Variants in SLC35F3 observed in about 807,000 individuals in gnomAD.
SLC35F3 encodes the protein putative thiamine transporter SLC35F3.
A neutral mutation model predicts 49.9 loss-of-function variants in SLC35F3; 25 were observed. The observed-to-expected ratio is 0.50, with a 90% CI of 0.37 to 0.70. The LOEUF (loss-of-function observed/expected upper bound fraction) is 0.70, where lower values mean the gene tolerates loss of function less well. SLC35F3 is among the 30% of genes least tolerant of loss of function. The pLI is 0.00. For synonymous variants in SLC35F3, 275 were observed against 265.4 expected (o/e 1.04, Z -0.35); for missense variants, 525 against 639.8 (o/e 0.82, Z 1.94).
Position 233,905,701 on chromosome 1 carries a change from C to A in SLC35F3, c.226C>A (p.Arg76=), listed in dbSNP as rs781051689. The change falls in exon 2 of 8, where the codon CGG becomes AGG. Residue 76 remains arginine, a synonymous_variant. Transcript: ENST00000366618. ...GGTGGGGCTCACGTCCATCGAGGAGCGGATCCTGCGCATCACTGGCTACTA... is the reference window on the plus strand; with the variant it reads ...GGTGGGGCTCACGTCCATCGAGGAGAGGATCCTGCGCATCACTGGCTACTA... The part of the protein sequence containing the change: ...GPVGLTSIEE[R]ILRITGYYGY... The A allele has an allele frequency of 6.2e-7, 1 of 1,614,068 alleles. No homozygotes were observed. Among genetic ancestry groups the A allele is most frequent in the Non-Finnish European group, 8.5e-7 (1 of 1,180,036 alleles).
intron 3 of SLC35F3, among the ~76,000 whole-genome samples, chr1:234,240,617 A>T (rs915466099): frequency 1.3e-5 from 2 of 152,062 alleles, no homozygotes; most frequent in South Asian, 2.1e-4. Context: ...AAAAAAAAAT[A>T]AAAAAGCCAA....
At chr1:234,047,684 CACACACACATACAT>C (rs1374287130) in intron 2 of SLC35F3, among the ~76,000 whole-genome samples, 1 of 140,942 alleles carries the variant, frequency 7.1e-6, no homozygotes, top group Non-Finnish European at 1.5e-5. Flanking sequence ...TACACATACA[CACACACACATACAT>C]ACACACACAC....
chr1:234,303,180 T>C (rs2102991179), intron 3 of SLC35F3, among the ~76,000 whole-genome samples: 1 of 152,358 alleles, frequency 6.6e-6, no homozygotes, highest in East Asian at 1.9e-4. Context: ...ACATATATTG[T>C]TCACTGACTC....
rs764192758 is a variant in SLC35F3 at position 234,309,176 on chromosome 1, T to G, written c.684T>G (p.Val228=). The change falls in exon 4 of 8, where the codon GTT becomes GTG. Residue 228 remains valine (V), a synonymous_variant. Transcript: ENST00000366618. The stretch of plus-strand genomic sequence containing the variant: ...TTACCAAGGCAGCACCCTTTGGTGT[T>G]CTTTGGACACTCACAAACTACCTGT... ...VFFTKAAPFG[V]LWTLTNYLYL... 6.2e-7 allele frequency: 1 copy of G among 1,614,118 alleles called. No individual in the cohort carries two copies. The highest frequency in any genetic ancestry group is 8.5e-7 in the Non-Finnish European group (1 of 1,180,062).
intron 2 of SLC35F3, among the ~76,000 whole-genome samples, chr1:233,967,478 A>G (rs1201339968): frequency 2.6e-5 from 4 of 152,242 alleles, no homozygotes; most frequent in South Asian, 2.1e-4. Context: ...AGTATTTTAT[A>G]TAAGAAGGAA....
At chr1:234,178,698 C>T (rs1284437015) in intron 2 of SLC35F3, among the ~76,000 whole-genome samples, 2 of 147,708 alleles carry the variant, frequency 1.4e-5, no homozygotes, top group Non-Finnish European at 3.0e-5. Flanking sequence ...GGATGTACAT[C>T]ATCCACAGCC....
intron 2 of SLC35F3, among the ~76,000 whole-genome samples, chr1:234,227,700 C>T (rs888767223): frequency 3.9e-5 from 6 of 152,186 alleles, no homozygotes; most frequent in African/African-American, 1.4e-4. Context: ...GCCCGGCCGG[C>T]ACTGCCTCTT....
In SLC35F3 at chr1:234,214,633, C is replaced by A. The variant is rs760491047; in HGVS notation, c.284-16784C>A. ...GCACCCTAGCCGGGGAATGCTGCCACCCTGAGGGGGGCTGTCTGGCTGCGG... is the reference window on the plus strand; with the variant it reads ...GCACCCTAGCCGGGGAATGCTGCCAACCTGAGGGGGGCTGTCTGGCTGCGG... On this transcript the variant is annotated intron_variant, in intron 2 of 7. Transcript: ENST00000366618. The surrounding 1 kb of genome is among the most constrained non-coding windows in gnomAD (Gnocchi z 8.0). 65 of 1,497,474 alleles carry A rather than the reference C, an allele frequency of 4.3e-5. No individual in the cohort carries two copies. The highest frequency in any genetic ancestry group is 5.3e-5 in the Non-Finnish European group (59 of 1,120,958). The allele number at this position is 1,497,474 out of a possible 1,614,324, so 92.8% of individuals were successfully genotyped here. A position where few individuals can be genotyped will look rare whatever the true frequency, so the allele number is the denominator to read the frequency against.
At chr1:234,295,633 A>AAAGC (rs1668580331) in intron 3 of SLC35F3, among the ~76,000 whole-genome samples, 1 of 152,252 alleles carries the variant, frequency 6.6e-6, no homozygotes, top group South Asian at 2.1e-4. Flanking sequence ...TGGGGGTACA[A>AAAGC]AAGCAAGCCC....
At chr1:234,285,733 G>A (rs574937916) in intron 3 of SLC35F3, among the ~76,000 whole-genome samples, 1 of 152,342 alleles carries the variant, frequency 6.6e-6, no homozygotes, top group East Asian at 1.9e-4. Flanking sequence ...GATACATCAT[G>A]TCAATCAAGC....
In SLC35F3 at chr1:234,233,916, A is replaced by T. The variant is rs542091851; in HGVS notation, c.608+2175A>T. On this transcript the variant is annotated intron_variant, in intron 3 of 7. Coordinates refer to ENST00000366618, the MANE Select transcript of SLC35F3 (RefSeq NM_173508.4). ...GTGTTAGCCCCGTGGCTAGGCAGAG[A>T]TGCTAATTTACCAGCCAATTATTAG... Among the ~76,000 whole-genome samples, 540 of 152,302 alleles carry T rather than the reference A, an allele frequency of 3.5e-3. 3 individuals carry two copies. The highest frequency in any genetic ancestry group is 6.2e-3 in the Non-Finnish European group (419 of 68,016).
intron 2 of SLC35F3, among the ~76,000 whole-genome samples, chr1:234,114,650 A>G (rs1374742019): frequency 6.6e-6 from 1 of 152,242 alleles, no homozygotes; most frequent in East Asian, 1.9e-4. Context: ...TGTTTTTAAG[A>G]GTAATTTTAG....
At chr1:234,247,167 C>CA (rs1366079205) in intron 3 of SLC35F3, among the ~76,000 whole-genome samples, 2 of 151,810 alleles carry the variant, frequency 1.3e-5, no homozygotes, top group Non-Finnish European at 2.9e-5. Flanking sequence ...GTGCTTGAAA[C>CA]AAAAAAAGAA....
At chr1:234,295,470 G>T (rs1045522191) in intron 3 of SLC35F3, among the ~76,000 whole-genome samples, 2 of 152,132 alleles carry the variant, frequency 1.3e-5, no homozygotes, top group African/African-American at 4.8e-5. Flanking sequence ...CAGTTCTCAA[G>T]TGTCAGTCTC....
chr1:234,053,119 T>C (rs1664402982), intron 2 of SLC35F3, among the ~76,000 whole-genome samples: 1 of 152,228 alleles, frequency 6.6e-6, no homozygotes, highest in African/African-American at 2.4e-5. Context: ...ATTTTGTTGA[T>C]TTCGGGTGGA....
chr1:234,232,467 A>G lies in SLC35F3; in HGVS notation c.608+726A>G, dbSNP rs1191165634. 4.5e-5 allele frequency among the ~76,000 whole-genome samples: 6 copies of G among 134,116 alleles called. No individual in the cohort carries two copies. In the East Asian group the frequency reaches 1.0e-3, roughly 23 times the overall value. The allele number at this position is 134,116 out of a possible 152,430, so 88.0% of individuals were successfully genotyped here. ...ATTAAGAGCATCTCGTGTTTCCCCA[A>G]AGTGGAGGCCTTCTGTGGGCCATGT... On this transcript the variant is annotated intron_variant, in intron 3 of 7. Transcript: ENST00000366618.
At chr1:234,102,478 G>C (rs543637465) in intron 2 of SLC35F3, among the ~76,000 whole-genome samples, 1 of 152,348 alleles carries the variant, frequency 6.6e-6, no homozygotes, top group Admixed American at 6.5e-5. Flanking sequence ...GCCCAGTCGT[G>C]TGCAAGATCT....
chr1:234,076,966 G>T (rs2102870654), intron 2 of SLC35F3, among the ~76,000 whole-genome samples: 1 of 150,800 alleles, frequency 6.6e-6, no homozygotes, highest in African/African-American at 2.4e-5. Flanking sequence ...TCTGAGACTG[G>T]ATAATTTATA....
Position 234,139,971 on chromosome 1 carries a change from A to AAATAAAATAAAATAAAAT in SLC35F3, c.284-91443_284-91426dup, listed in dbSNP as rs1347480372. On this transcript the variant is annotated intron_variant, in intron 2 of 7. Transcript: ENST00000366618. ...CAAAATAATAAAATAAAATAAAATA[A>AAATAAAATAAAATAAAAT]AATAAAATAAAATAAAATAAAATAA... 1.4e-3 allele frequency among the ~76,000 whole-genome samples: 185 copies of AAATAAAATAAAATAAAAT among 135,106 alleles called. 6 individuals carry two copies. The highest frequency in any genetic ancestry group is 4.9e-3 in the African/African-American group (175 of 35,688). The allele number at this position is 135,106 out of a possible 152,430, so 88.6% of individuals were successfully genotyped here. A position where few individuals can be genotyped will look rare whatever the true frequency, so the allele number is the denominator to read the frequency against.
Sources: allele counts gnomAD v4.1 joint callset (sites outside exome capture counted in the v4.1 genomes callset), GRCh38; gene constraint gnomAD v4.1.1; non-coding constraint Gnocchi (gnomAD v3.1); transcripts MANE v1.5; gene names NCBI Gene and HGNC (gene_info 2026-07-23, HGNC 2026-07-21).